BMX: variants seen among roughly 807,000 people sequenced by gnomAD.
The protein encoded by BMX is cytoplasmic tyrosine-protein kinase BMX.
In BMX, 31 loss-of-function variants were observed where a neutral mutation model predicts 59.2. The observed-to-expected ratio is 0.52, with a 90% CI of 0.39 to 0.71. BMX has a LOEUF of 0.71. Among genes scored for constraint, BMX ranks in the 30% least tolerant of loss-of-function variants. The pLI, the probability that BMX is intolerant of heterozygous loss-of-function variation, is 0.00. For missense variants in BMX, 474 were observed against 491.7 expected (o/e 0.96, Z 0.34); for synonymous variants, 185 against 181.0 (o/e 1.02, Z -0.18).
At chrX:15,526,150 T>A (rs1000366511) in intron 9 of BMX, 55 bp downstream of exon 9, 33 of 1,068,696 alleles carry the variant, frequency 3.1e-5, no homozygotes, top group Non-Finnish European at 3.9e-5. Context: ...ATACTTCTAC[T>A]CTCTTCCTCA....
chrX:15,502,692 C>G (rs1923610377), intron 1 of BMX, among the ~76,000 whole-genome samples: 1 of 112,427 alleles, frequency 8.9e-6, no homozygotes, highest in Admixed American at 9.4e-5. Context: ...CTGTCAGGTT[C>G]TGTGAAGCCA....
intron 3 of BMX, among the ~76,000 whole-genome samples, chrX:15,511,195 G>A (rs1012157130): frequency 4.5e-5 from 5 of 112,211 alleles, no homozygotes; most frequent in African/African-American, 6.5e-5. Context: ...TGAGAACTCA[G>A]TGTTCACCAC....
chrX:15,503,917 A>G (rs1475785692), intron 1 of BMX, among the ~76,000 whole-genome samples: 1 of 111,967 alleles, frequency 8.9e-6, no homozygotes, highest in Non-Finnish European at 1.9e-5. Flanking sequence ...TGGGAGTATC[A>G]CAAAATATCC....
At chrX:15,508,920 T>A (rs554945971) in intron 2 of BMX, among the ~76,000 whole-genome samples, 1 of 111,975 alleles carries the variant, frequency 8.9e-6, no homozygotes, top group South Asian at 3.7e-4. Flanking sequence ...TAAATGGCAA[T>A]AGTGCCTTAA....
intron 18 of BMX, among the ~76,000 whole-genome samples, chrX:15,555,475 C>T (rs1926389837): frequency 1.8e-5 from 2 of 111,005 alleles, no homozygotes; most frequent in African/African-American, 3.3e-5. Context: ...TCCCAGAGTG[C>T]TGGGATTACA....
At position 15,509,354 on chromosome X, in the gene BMX, T is replaced by C. The variant is rs1923859818; in HGVS notation, c.164T>C (p.Ile55Thr). ...KMKRGSRKGSIEIKKIRCVEK... is the reference protein window; with the variant it reads ...KMKRGSRKGSTEIKKIRCVEK... ...AAAAGGGGCAGCAGAAAAGGATCCA[T>C]TGAAATTAAGAAAATCAGATGTGTG... is the stretch of plus-strand genomic sequence containing the variant. Residue 55 changes from isoleucine (I) to threonine (T), a missense_variant, in exon 3 of 19, where the codon ATT becomes ACT. Ile to Thr is a moderately conservative substitution (Grantham distance 89). Transcript: ENST00000348343. 2.5e-6 allele frequency: 3 copies of C among 1,202,800 alleles called. No individual in the cohort carries two copies. The highest frequency in any genetic ancestry group is 3.6e-5 in the African/African-American group (2 of 55,964).
intron 1 of BMX, among the ~76,000 whole-genome samples, chrX:15,503,733 G>A (rs929182147): frequency 6.2e-5 from 7 of 112,332 alleles, no homozygotes; most frequent in South Asian, 3.6e-4. Flanking sequence ...CATTAGTAGC[G>A]TGGTCACGAA....
chrX:15,542,291 C>A, intron 15 of BMX, 93 bp downstream of exon 15: 1 of 806,072 alleles, frequency 1.2e-6, no homozygotes, highest in Non-Finnish European at 1.8e-6. Flanking sequence ...GCAAGAAGGG[C>A]ACCATCACTT....
chrX:15,525,991 A>G, intron 8 of BMX, 51 bp from the exon 9 acceptor site: 1 of 1,084,289 alleles, frequency 9.2e-7, no homozygotes, highest in Non-Finnish European at 1.3e-6. Flanking sequence ...ACGCACTTGG[A>G]TTATTTCTTG....
In BMX at chrX:15,536,385, A is replaced by G. The variant is rs780805113; in HGVS notation, c.1180A>G (p.Thr394Ala). The change falls in exon 13 of 19, where the codon ACA becomes GCA. Residue 394 changes from threonine to alanine, a missense_variant. Coordinates refer to ENST00000348343, the MANE Select transcript of BMX (RefSeq NM_203281.3). ...CACACGGCTCCGCCACCCTGTGTCA[A>G]CAAAGGCCAACAAGGTCCCCGACTC... is the stretch of plus-strand genomic sequence containing the variant. ...MITRLRHPVS[T>A]KANKVPDSVS... 1.2e-5 allele frequency: 14 copies of G among 1,207,428 alleles called. No homozygotes were observed. The African/African-American group carries it at 2.3e-4, about 20-fold the overall frequency.
At chrX:15,512,778 C>T (rs1341179002) in intron 4 of BMX, among the ~76,000 whole-genome samples, 1 of 112,128 alleles carries the variant, frequency 8.9e-6, no homozygotes, top group Non-Finnish European at 1.9e-5. Context: ...TATGCACAAA[C>T]ATGAGTCACT....
chrX:15,512,174 T>C (rs1234697812), intron 4 of BMX, among the ~76,000 whole-genome samples: 1 of 111,538 alleles, frequency 9.0e-6, no homozygotes, highest in Non-Finnish European at 1.9e-5. Flanking sequence ...CAGTGATGTT[T>C]AGGCCGCCCT....
rs1156278637 is a variant in BMX at position 15,550,000 on chromosome X, A to G, written c.1953+3A>G. The G allele has an allele frequency of 8.4e-7, 1 of 1,196,377 alleles. No individual in the cohort carries two copies. The highest frequency in any genetic ancestry group is 1.1e-6 in the Non-Finnish European group (1 of 885,420). ...TCATGTACAGCTGCTGGCACGAGGC[A>G]AGTGTATTCTCTGGGTGGGCTGGAA... On this transcript the variant is annotated splice_donor_region_variant and intron_variant, in intron 18 of 18. Transcript: ENST00000348343.
At position 15,512,716 on chromosome X, in the gene BMX, T is replaced by C. The variant is rs1924008922; in HGVS notation, c.325+1198T>C. ...ATAGGAGATCACATTTCTTTTCTCCTAGAGCAGTCACGAGCCACAGATGAG... is the reference window on the plus strand; with the variant it reads ...ATAGGAGATCACATTTCTTTTCTCCCAGAGCAGTCACGAGCCACAGATGAG... On this transcript the variant is annotated intron_variant, in intron 4 of 18. Coordinates refer to ENST00000348343, the MANE Select transcript of BMX (RefSeq NM_203281.3). 2.7e-5 allele frequency among the ~76,000 whole-genome samples: 3 copies of C among 112,404 alleles called. No individual in the cohort carries two copies. The South Asian group carries it at 1.1e-3, about 41-fold the overall frequency.
intron 9 of BMX, among the ~76,000 whole-genome samples, chrX:15,527,981 C>G (rs1924877894): frequency 8.9e-6 from 1 of 112,568 alleles, no homozygotes; most frequent in African/African-American, 3.2e-5. Context: ...GGGAGTGAAC[C>G]TCTAATTGTG....
intron 9 of BMX, among the ~76,000 whole-genome samples, chrX:15,527,247 A>AATATATATAT (rs34046926): frequency 3.9e-4 from 22 of 56,330 alleles, no homozygotes; most frequent in Non-Finnish European, 4.7e-4. Flanking sequence ...CACACACACA[A>AATATATATAT]ATATATATAT....
At chrX:15,522,293 G>T in intron 6 of BMX, 53 bp from the exon 7 acceptor site, 2 of 1,177,915 alleles carry the variant, frequency 1.7e-6, no homozygotes, top group East Asian at 3.0e-5. Flanking sequence ...TCAGTTCCCG[G>T]TACCTGAATC....
chrX:15,542,464 T>C (rs1925739511), intron 15 of BMX, among the ~76,000 whole-genome samples: 1 of 111,775 alleles, frequency 8.9e-6, no homozygotes, highest in African/African-American at 3.3e-5. Flanking sequence ...GAAAGACTTC[T>C]GCCAATTTAG....
chrX:15,545,744 C>T (rs1925918416), intron 16 of BMX, among the ~76,000 whole-genome samples: 1 of 110,997 alleles, frequency 9.0e-6, no homozygotes, highest in Non-Finnish European at 1.9e-5. Flanking sequence ...TTAACAACTG[C>T]CTGACTATTA....
Sources: allele counts gnomAD v4.1 joint callset (sites outside exome capture counted in the v4.1 genomes callset), GRCh38; gene constraint gnomAD v4.1.1; transcripts MANE v1.5; gene names NCBI Gene and HGNC (gene_info 2026-07-23, HGNC 2026-07-21).